The following CCDC141 variants were observed in gnomAD, a reference collection of about 807,000 sequenced individuals.
CCDC141 encodes coiled-coil domain-containing protein 141.
In CCDC141, 168 loss-of-function variants were observed where a neutral mutation model predicts 181.0. The observed-to-expected ratio is 0.93, with a 90% CI of 0.82 to 1.05. The LOEUF is 1.05. CCDC141 is among the 50% of genes least tolerant of loss of function. The probability of loss-of-function intolerance (pLI) is 0.00; values close to 1 mark genes in which losing one functional copy is unlikely to be tolerated. For missense variants in CCDC141, 1,902 were observed against 1,788.5 expected, an observed-to-expected ratio of 1.06 and a Z score of -1.14; for synonymous variants, 666 against 642.3, an observed-to-expected ratio of 1.04 and a Z score of -0.56.
intron 12 of CCDC141, chr2:178,876,873 A>T (rs561300367): frequency 8.8e-4 from 134 of 152,320 alleles, no homozygotes; most frequent in African/African-American, 3.2e-3. Context: ...AAAAAGGTAA[A>T]TGGCTGACAC....
rs2154365485 is a variant in CCDC141, at chr2:178,834,148, A to T, written c.*25T>A. ...ACTTTTCTTTAGGCACATGAGAATG[A>T]TGTCCATTGGTGCCAACACCACAGT... On this transcript the variant is annotated 3_prime_UTR_variant, in exon 24 of 24. Coordinates refer to ENST00000443758, the MANE Select transcript of CCDC141 (RefSeq NM_173648.4). The T allele has an allele frequency of 6.5e-7, 1 of 1,528,140 alleles. No homozygotes were observed. Among genetic ancestry groups the T allele is most frequent in the African/African-American group, 1.4e-5 (1 of 72,992 alleles). The allele number at this position is 1,528,140 out of a possible 1,614,324, so 94.7% of individuals were successfully genotyped here. A position where few individuals can be genotyped will look rare whatever the true frequency, so the allele number is the denominator to read the frequency against.
At chr2:178,854,222 T>A (rs763096551) in intron 19 of CCDC141, among the ~76,000 whole-genome samples, 4 of 152,170 alleles carry the variant, frequency 2.6e-5, no homozygotes, top group Admixed American at 1.3e-4. Flanking sequence ...AATGAGACAG[T>A]TTCTCATTAA....
chr2:179,043,849 G>C (rs1165225484), intron 2 of CCDC141, among the ~76,000 whole-genome samples: 1 of 152,166 alleles, frequency 6.6e-6, no homozygotes, highest in Non-Finnish European at 1.5e-5. Context: ...AGGAAGAGAG[G>C]AAGTAAAACT....
intron 21 of CCDC141, among the ~76,000 whole-genome samples, chr2:178,848,540 T>A (rs1194795764): frequency 6.6e-6 from 1 of 152,094 alleles, no homozygotes; most frequent in Non-Finnish European, 1.5e-5. Flanking sequence ...GAATGGAGAA[T>A]GAGGAAGTGG....
downstream of CCDC141, among the ~76,000 whole-genome samples, chr2:178,828,885 G>A (rs1313666084): frequency 6.6e-6 from 1 of 152,048 alleles, no homozygotes; most frequent in East Asian, 1.9e-4. Context: ...GCATACATAA[G>A]ATAAAAATAC....
intron 7 of CCDC141, among the ~76,000 whole-genome samples, chr2:178,908,484 G>A (rs904895864): frequency 1.3e-5 from 2 of 152,136 alleles, no homozygotes; most frequent in Non-Finnish European, 2.9e-5. Flanking sequence ...GAGCCACCGC[G>A]CCCAGCCGAG....
At chr2:178,930,711 A>T (rs1558988599) in intron 6 of CCDC141, among the ~76,000 whole-genome samples, 1 of 152,070 alleles carries the variant, frequency 6.6e-6, no homozygotes, top group Non-Finnish European at 1.5e-5. Flanking sequence ...GAGAAAGAAT[A>T]TTTTTTTCCA....
intron 21 of CCDC141, 112 bp from the exon 22 acceptor site, chr2:178,845,854 A>T: frequency 1.4e-6 from 1 of 724,958 alleles, no homozygotes; most frequent in East Asian, 2.6e-5. Flanking sequence ...CAGCAAATAT[A>T]TTCCACAAGA....
intron 4 of CCDC141, among the ~76,000 whole-genome samples, chr2:178,973,910 T>C (rs982715957): frequency 6.6e-6 from 1 of 152,226 alleles, no homozygotes; most frequent in Non-Finnish European, 1.5e-5. Flanking sequence ...GCTAGATTAC[T>C]ACTGCTGTAT....
chr2:178,815,172 A>C, the CCDC141 span, among the ~76,000 whole-genome samples: 1 of 152,200 alleles, frequency 6.6e-6, no homozygotes, highest in Non-Finnish European at 1.5e-5. Flanking sequence ...CAGTGCTAGC[A>C]AACTAATGAT....
At chr2:178,942,022 C>T (rs1480642342) in intron 6 of CCDC141, among the ~76,000 whole-genome samples, 2 of 131,380 alleles carry the variant, frequency 1.5e-5, no homozygotes, top group Admixed American at 8.0e-5. Context: ...AAGAAATTTA[C>T]TCTCAGGGAT....
In CCDC141 at chr2:178,961,260, C is replaced by T. The variant is rs1316290648; in HGVS notation, c.750G>A (p.Gln250=). Residue 250 remains glutamine (Q), a synonymous_variant, in exon 5 of 24, where the codon CAG becomes CAA. Transcript: ENST00000443758. Reference sequence around the variant, plus strand: ...TTTCTTGTTGGTCCCACTGACATATCTGCAGAACTTGACTCAATTCTTGCC... The same window carrying T: ...TTTCTTGTTGGTCCCACTGACATATTTGCAGAACTTGACTCAATTCTTGCC... ...QQWQELSQVL[Q]ICQWDQQENQ... 1 of 1,550,424 alleles carries T rather than the reference C, an allele frequency of 6.4e-7. No individual in the cohort carries two copies. Among genetic ancestry groups the T allele is most frequent in the African/African-American group, 1.4e-5 (1 of 73,164 alleles).
chr2:178,984,270 G>C (rs1013078090), intron 2 of CCDC141, among the ~76,000 whole-genome samples: 179 of 149,506 alleles, frequency 1.2e-3, no homozygotes, highest in African/African-American at 3.9e-3. Flanking sequence ...AATGCTGAGA[G>C]ATTTTGTCAC....
chr2:178,944,653 T>A lies in CCDC141; in HGVS notation c.781-2A>T. The A allele has an allele frequency of 7.3e-7, 1 of 1,370,250 alleles. No homozygotes were observed. The highest frequency in any genetic ancestry group is 1.0e-6 in the Non-Finnish European group (1 of 1,001,222). The allele number at this position is 1,370,250 out of a possible 1,614,324, so 84.9% of individuals were successfully genotyped here. A position where few individuals can be genotyped will look rare whatever the true frequency, so the allele number is the denominator to read the frequency against. ...AGTTTTCTGAAACCAACAAGTAACC[T>A]AGGTAAAAGGCAACAAAGAAAGATC... On this transcript the variant is annotated splice_acceptor_variant, in intron 5 of 23. Coordinates refer to ENST00000443758, the MANE Select transcript of CCDC141 (RefSeq NM_173648.4). LOFTEE classifies it high-confidence loss of function.
At chr2:178,878,791 T>C (rs538795529) in intron 11 of CCDC141, among the ~76,000 whole-genome samples, 1 of 152,302 alleles carries the variant, frequency 6.6e-6, no homozygotes, top group South Asian at 2.1e-4. Flanking sequence ...TGTTTGTATG[T>C]TTTTCAATTT....
At chr2:178,919,153 C>T (rs188482043) in intron 6 of CCDC141, among the ~76,000 whole-genome samples, 27 of 152,198 alleles carry the variant, frequency 1.8e-4, no homozygotes, top group Non-Finnish European at 3.2e-4. Flanking sequence ...ACAACTCTAC[C>T]GTGCTGGCAC....
intron 12 of CCDC141, chr2:178,877,573 T>A (rs1015079303): frequency 8.4e-6 from 2 of 236,852 alleles, no homozygotes; most frequent in Non-Finnish European, 1.6e-5. Context: ...AGATCTGCTA[T>A]GGTAAGAAAC....
At chr2:178,860,457 C>T (rs1375010586) in intron 17 of CCDC141, among the ~76,000 whole-genome samples, 4 of 144,348 alleles carry the variant, frequency 2.8e-5, no homozygotes, top group African/African-American at 7.7e-5. Context: ...TGCTTGAACC[C>T]GGGAGGCAGA....
the CCDC141 span, among the ~76,000 whole-genome samples, chr2:178,821,427 C>T: frequency 5.9e-5 from 9 of 152,074 alleles, no homozygotes; most frequent in Non-Finnish European, 1.5e-5. Flanking sequence ...CCCCAAACAC[C>T]AAGTGCTTGG....
Sources: allele counts gnomAD v4.1 joint callset (sites outside exome capture counted in the v4.1 genomes callset), GRCh38; gene constraint gnomAD v4.1.1; transcripts MANE v1.5; gene names NCBI Gene and HGNC (gene_info 2026-07-23, HGNC 2026-07-21).